The following MAPK9 variants were observed in gnomAD, a reference collection of about 807,000 sequenced individuals.
The protein encoded by MAPK9 is mitogen-activated protein kinase 9.
In MAPK9, 30 loss-of-function variants were observed where a neutral mutation model predicts 57.1. The observed-to-expected ratio is 0.53, with a 90% CI of 0.39 to 0.71. MAPK9 has a LOEUF of 0.71. Among genes scored for constraint, MAPK9 ranks in the 30% least tolerant of loss-of-function variants. MAPK9 has a pLI of 0.00. For synonymous variants in MAPK9, 155 were observed against 177.0 expected (o/e 0.88, Z 0.99); for missense variants, 362 against 521.0 (o/e 0.69, Z 2.97).
At chr5:180,278,543 T>C (rs1362507651) in intron 2 of MAPK9, among the ~76,000 whole-genome samples, 1 of 152,056 alleles carries the variant, frequency 6.6e-6, no homozygotes, top group Non-Finnish European at 1.5e-5. Context: ...CTACTAAAAA[T>C]ACAAAAATTA....
intron 1 of MAPK9, among the ~76,000 whole-genome samples, chr5:180,286,694 C>A (rs1424594121): frequency 6.7e-6 from 1 of 148,172 alleles, no homozygotes; most frequent in Non-Finnish European, 1.5e-5. Flanking sequence ...TCCCCCACTC[C>A]CAGGGCCCTG....
In MAPK9 at chr5:180,236,648, G is replaced by A. The variant is rs569799795; in HGVS notation, c.1133-122C>T. 1.4e-4 allele frequency: 147 copies of A among 1,028,628 alleles called. No homozygotes were observed. The East Asian group carries it at 3.8e-3, about 27-fold the overall frequency. 63.7% of individuals were successfully genotyped at this position (1,028,628 alleles called of 1,614,324 possible). ...TGCAGTTTCCCAATCCTAACTATGA[G>A]TATAGACAAGAAGTCAGTCAGCTGG... On this transcript the variant is annotated intron_variant, in intron 11 of 11. Transcript: ENST00000452135.
At chr5:180,240,938 T>C in intron 9 of MAPK9, 93 bp downstream of exon 9, 1 of 1,375,636 alleles carries the variant, frequency 7.3e-7, no homozygotes, top group South Asian at 1.9e-5. Context: ...GAGAACTTGC[T>C]ACCCATATGT....
In MAPK9 at chr5:180,266,542, C is replaced by T. The variant is rs117820371; in HGVS notation, c.253-1703G>A. 8.9e-4 allele frequency among the ~76,000 whole-genome samples: 136 copies of T among 152,054 alleles called. 3 individuals are homozygous for T. In the East Asian group the frequency reaches 0.025, roughly 28 times the overall value. Reference sequence around the variant, plus strand: ...GCTGGCCAACCAACGTGGTCTTAAACTCATGACTCAGGTGATCCACCTGCC... The same window carrying T: ...GCTGGCCAACCAACGTGGTCTTAAATTCATGACTCAGGTGATCCACCTGCC... On this transcript the variant is annotated intron_variant, in intron 3 of 11. Transcript: ENST00000452135.
intron 1 of MAPK9, among the ~76,000 whole-genome samples, chr5:180,282,888 G>A (rs1255133349): frequency 1.3e-5 from 2 of 152,190 alleles, no homozygotes; most frequent in Admixed American, 1.3e-4. Flanking sequence ...GGGTGAAGAA[G>A]ATTTGGGGGA....
At chr5:180,282,751 A>T (rs1201787175) in intron 1 of MAPK9, among the ~76,000 whole-genome samples, 1 of 152,204 alleles carries the variant, frequency 6.6e-6, no homozygotes, top group Non-Finnish European at 1.5e-5. Flanking sequence ...CCAGCAACAC[A>T]GTTACTTGCA....
chr5:180,245,986 T>C (rs1165115469), intron 7 of MAPK9: 1 of 152,224 alleles, frequency 6.6e-6, no homozygotes, highest in African/African-American at 2.4e-5. Flanking sequence ...TTAGGTAACC[T>C]TATATATAAC....
intron 10 of MAPK9, 56 bp downstream of exon 10, chr5:180,239,868 T>G: frequency 6.5e-7 from 1 of 1,528,328 alleles, no homozygotes; most frequent in Non-Finnish European, 9.1e-7. Flanking sequence ...AAGCCTCTGC[T>G]CTACAGGATT....
intron 5 of MAPK9, among the ~76,000 whole-genome samples, chr5:180,258,854 G>A (rs1383460808): frequency 4.8e-5 from 6 of 125,958 alleles, no homozygotes; most frequent in Middle Eastern, 4.3e-3. Flanking sequence ...GTGAAATCCT[G>A]TCTCTACTAA....
At chr5:180,246,336 G>A (rs1758097657) in intron 7 of MAPK9, 1 of 151,986 alleles carries the variant, frequency 6.6e-6, no homozygotes, top group Admixed American at 6.6e-5. Flanking sequence ...AAAATAACTT[G>A]ACATATTATA....
At chr5:180,256,595 G>A (rs1759311764) in intron 5 of MAPK9, among the ~76,000 whole-genome samples, 1 of 152,192 alleles carries the variant, frequency 6.6e-6, no homozygotes, top group African/African-American at 2.4e-5. Context: ...CAAGATGCCA[G>A]GTGGGTGGGG....
chr5:180,253,176 G>A (rs1348410376), intron 5 of MAPK9, among the ~76,000 whole-genome samples: 1 of 152,196 alleles, frequency 6.6e-6, no homozygotes, highest in Non-Finnish European at 1.5e-5. Context: ...TGACACCGGA[G>A]GCCCTCAGAG....
intron 7 of MAPK9, chr5:180,246,565 T>C (rs1378605753): frequency 6.6e-6 from 1 of 152,162 alleles, no homozygotes; most frequent in Non-Finnish European, 1.5e-5. Context: ...GAGACCAATT[T>C]AAACTTTCAT....
intron 2 of MAPK9, among the ~76,000 whole-genome samples, chr5:180,277,506 A>G (rs1027886481): frequency 6.6e-6 from 1 of 152,224 alleles, no homozygotes; most frequent in East Asian, 1.9e-4. Context: ...TCTCAAGACC[A>G]TTAATGTAAT....
chr5:180,279,784 G>T (rs1463729187), intron 2 of MAPK9: 1 of 455,360 alleles, frequency 2.2e-6, no homozygotes, highest in East Asian at 7.0e-5. Flanking sequence ...GGAAACATGT[G>T]AAGAGCTTTA....
At chr5:180,268,031 A>T (rs374785185) in intron 3 of MAPK9, among the ~76,000 whole-genome samples, 6 of 151,946 alleles carry the variant, frequency 3.9e-5, no homozygotes. Context: ...TCACCATGTT[A>T]GCCAGGATGG....
intron 4 of MAPK9, among the ~76,000 whole-genome samples, chr5:180,263,707 T>TG (rs386405824): frequency 2.5e-3 from 2 of 800 alleles, no homozygotes; most frequent in Non-Finnish European, 0.012. Flanking sequence ...CACCAAATTC[T>TG]TTTTTTTTTT....
At chr5:180,251,483 C>T (rs942574991) in intron 5 of MAPK9, among the ~76,000 whole-genome samples, 1 of 152,142 alleles carries the variant, frequency 6.6e-6, no homozygotes, top group Non-Finnish European at 1.5e-5. Flanking sequence ...ACTTTACTGC[C>T]GTCTGCTGGA....
chr5:180,252,561 G>A (rs772570895), intron 5 of MAPK9, among the ~76,000 whole-genome samples: 23 of 152,130 alleles, frequency 1.5e-4, no homozygotes, highest in Non-Finnish European at 3.1e-4. Flanking sequence ...CTATCTTGGG[G>A]GCAGTTTCAG....
Sources: gnomAD v4.1 joint callset for allele counts (sites outside exome capture counted in the v4.1 genomes callset) on GRCh38, gnomAD v4.1.1 for gene constraint, MANE v1.5 for transcripts, NCBI Gene and HGNC (gene_info 2026-07-23, HGNC 2026-07-21) for gene names.